Variants in PDAP1 observed in about 807,000 individuals in gnomAD.
PDAP1 encodes 28 kDa heat- and acid-stable phosphoprotein.
Under a neutral mutation model 28.0 loss-of-function variants are expected in PDAP1, and 13 were observed. The observed-to-expected ratio is 0.46, with a 90% CI of 0.30 to 0.74. The LOEUF (loss-of-function observed/expected upper bound fraction) is 0.74. Ranked by LOEUF, PDAP1 falls within the 30% of genes least tolerant of loss-of-function variation. The pLI is 0.07. For missense variants in PDAP1, 150 were observed against 230.0 expected, an observed-to-expected ratio of 0.65 and a Z score of 2.25; for synonymous variants, 77 against 85.1, an observed-to-expected ratio of 0.91 and a Z score of 0.52.
intron 1 of PDAP1, among the ~76,000 whole-genome samples, chr7:99,406,267 T>C (rs1584423404): frequency 6.6e-6 from 1 of 152,050 alleles, no homozygotes; most frequent in East Asian, 1.9e-4. Context: ...AAAAAATCGC[T>C]GTTCGTTACT....
rs1794754000 is a variant in PDAP1 at position 99,396,168 on chromosome 7, G to A, written c.*514C>T. 1 of 171,658 alleles carries A rather than the reference G, an allele frequency of 5.8e-6. No individual in the cohort carries two copies. Among genetic ancestry groups the A allele is most frequent in the Admixed American group, 5.6e-5 (1 of 17,798 alleles). 10.6% of individuals were successfully genotyped at this position (171,658 alleles called of 1,614,324 possible). A position where few individuals can be genotyped will look rare whatever the true frequency, so the allele number is the denominator to read the frequency against. On this transcript the variant is annotated 3_prime_UTR_variant, in exon 6 of 6. Transcript: ENST00000350498. ...GGGAAGGGCAGAGAGGTGAGGCCCT[G>A]AGGTCAGTCAGACAGGACTGACCAG...
chr7:99,397,766 T>C, intron 5 of PDAP1, 96 bp downstream of exon 5: 4 of 1,474,468 alleles, frequency 2.7e-6, no homozygotes, highest in South Asian at 1.3e-5. Context: ...CCTCACCTCA[T>C]TGTCACCTCG....
intron 1 of PDAP1, among the ~76,000 whole-genome samples, chr7:99,405,859 T>C (rs1794961919): frequency 6.6e-6 from 1 of 152,244 alleles, no homozygotes; most frequent in Non-Finnish European, 1.5e-5. Flanking sequence ...TTTCCTCATC[T>C]GTGTCCCTAC....
chr7:99,398,989 A>C (rs991472073), intron 4 of PDAP1, among the ~76,000 whole-genome samples: 2 of 152,312 alleles, frequency 1.3e-5, no homozygotes, highest in African/African-American at 4.8e-5. Context: ...GATCTTCCCA[A>C]GCTTGAGATT....
At chr7:99,400,489 T>A in intron 3 of PDAP1, 65 bp from the exon 4 acceptor site, 1 of 1,596,582 alleles carries the variant, frequency 6.3e-7, no homozygotes, top group Non-Finnish European at 8.6e-7. Context: ...GGGCCACTCC[T>A]GCCATCTCTC....
Position 99,404,907 on chromosome 7 carries a change from A to C in PDAP1, c.60T>G (p.Pro20=). 1 of 1,613,802 alleles carries C rather than the reference A, an allele frequency of 6.2e-7. No individual in the cohort carries two copies. Among genetic ancestry groups the C allele is most frequent in the Non-Finnish European group, 8.5e-7 (1 of 1,180,000 alleles). The change falls in exon 2 of 6, where the codon CCT becomes CCG. Residue 20 remains proline (P), a synonymous_variant. Transcript: ENST00000350498. ...CCTGCAGCTGCGCGTCGATCTCCTC[A>C]GGGCTTGTATACTGCCTCGCCCGGC... ...HKGRARQYTS[P]EEIDAQLQAE... is the part of the protein sequence containing the mutation.
intron 3 of PDAP1, 36 bp from the exon 4 acceptor site, chr7:99,400,460 G>A: frequency 6.2e-7 from 1 of 1,613,104 alleles, no homozygotes; most frequent in East Asian, 2.2e-5. Flanking sequence ...TTGGAGTTCA[G>A]GTCCTGTGGA....
At chr7:99,407,443 G>A (rs938569998) in intron 1 of PDAP1, among the ~76,000 whole-genome samples, 4 of 152,184 alleles carry the variant, frequency 2.6e-5, no homozygotes, top group Admixed American at 6.5e-5. Context: ...AGAGAGCTAG[G>A]TTTAAACACA....
chr7:99,402,725 AC>A (rs1794895980), intron 3 of PDAP1, among the ~76,000 whole-genome samples: 1 of 151,662 alleles, frequency 6.6e-6, no homozygotes, highest in African/African-American at 2.4e-5. Context: ...TACTAAAAAT[AC>A]AAAAAATTAG....
chr7:99,396,923 C>T (rs1794779774), intron 5 of PDAP1, among the ~76,000 whole-genome samples, 183 bp from the exon 6 acceptor site: 1 of 152,128 alleles, frequency 6.6e-6, no homozygotes. Context: ...CCCCGACATT[C>T]CCGACACGCT....
rs548640976 is a variant in PDAP1 at position 99,398,014 on chromosome 7, C to G, written c.336-1G>C. ...TGCCTTCTGCTTCTCAATCTCTTCT[C>G]TGTGTGGATAAAATGGTGTCATGGG... On this transcript the variant is annotated splice_acceptor_variant, in intron 4 of 5. Transcript: ENST00000350498. LOFTEE classifies it high-confidence loss of function. 2.5e-6 allele frequency: 4 copies of G among 1,614,166 alleles called. No individual in the cohort carries two copies. The highest frequency in any genetic ancestry group is 1.3e-5 in the African/African-American group (1 of 75,072).
At chr7:99,406,734 C>T (rs1424443569) in intron 1 of PDAP1, 2 of 456,662 alleles carry the variant, frequency 4.4e-6, no homozygotes, top group Non-Finnish European at 5.8e-6. Flanking sequence ...TCTCTGTGAG[C>T]AGAGACTCTG....
intron 3 of PDAP1, among the ~76,000 whole-genome samples, chr7:99,402,360 C>T (rs1477114916): frequency 6.6e-6 from 1 of 151,698 alleles, no homozygotes; most frequent in African/African-American, 2.4e-5. Context: ...AATCTCAACA[C>T]CTCAGGAGGG....
Position 99,396,503 on chromosome 7 carries a change from T to TC in PDAP1, c.*178dup, listed in dbSNP as rs113663373. 2.9e-3 allele frequency: 973 copies of TC among 330,438 alleles called. 6 individuals carry two copies. The highest frequency in any genetic ancestry group is 6.3e-3 in the Admixed American group (168 of 26,632). The allele number at this position is 330,438 out of a possible 1,614,324, so 20.5% of individuals were successfully genotyped here. On this transcript the variant is annotated 3_prime_UTR_variant, in exon 6 of 6. Coordinates refer to ENST00000350498, the MANE Select transcript of PDAP1 (RefSeq NM_014891.7). ...AAGATAGCAGCTACCCCTCCCCCAG[T>TC]CCCCCCCCCCATCCCCCAAACAATT...
rs773085531 is a variant in PDAP1, at chr7:99,394,779, TAAA to T, written c.*1900_*1902del. Reference sequence around the variant, plus strand: ...GTGGAGGTAATAAAATGCAACTGTGTAAAAAAAAAAAAAAAAAAAAAAGTAATT... The same window carrying T: ...GTGGAGGTAATAAAATGCAACTGTGTAAAAAAAAAAAAAAAAAAAGTAATT... On this transcript the variant is annotated 3_prime_UTR_variant, in exon 6 of 6. Coordinates refer to ENST00000350498, the MANE Select transcript of PDAP1 (RefSeq NM_014891.7). 0.011 allele frequency: 10,751 copies of T among 941,538 alleles called. 14 individuals are homozygous for T. Among genetic ancestry groups the T allele is most frequent in the African/African-American group, 0.038 (1,641 of 42,740 alleles). 58.3% of individuals were successfully genotyped at this position (941,538 alleles called of 1,614,324 possible).
intron 5 of PDAP1, 137 bp from the exon 6 acceptor site, chr7:99,396,877 G>C (rs1208427334): frequency 4.4e-6 from 3 of 689,368 alleles, no homozygotes. Context: ...GCCGAGGCGT[G>C]GGAGAGGATT....
At chr7:99,408,343 T>A (rs1795026790) in intron 1 of PDAP1, among the ~76,000 whole-genome samples, 193 bp downstream of exon 1, 1 of 151,416 alleles carries the variant, frequency 6.6e-6, no homozygotes, top group Non-Finnish European at 1.5e-5. Context: ...ACTGACGGAG[T>A]GACTCTGGGA....
At position 99,396,511 on chromosome 7, in the gene PDAP1, C is replaced by G. The variant is rs539451067; in HGVS notation, c.*171G>C. On this transcript the variant is annotated 3_prime_UTR_variant, in exon 6 of 6. Coordinates refer to ENST00000350498, the MANE Select transcript of PDAP1 (RefSeq NM_014891.7). ...AGCTACCCCTCCCCCAGTCCCCCCC[C>G]CCATCCCCCAAACAATTTCTGTGCC... 34 of 536,296 alleles carry G rather than the reference C, an allele frequency of 6.3e-5. No individual in the cohort carries two copies. The Admixed American group carries it at 7.9e-4, about 12-fold the overall frequency. The allele number at this position is 536,296 out of a possible 1,614,324, so 33.2% of individuals were successfully genotyped here. A position where few individuals can be genotyped will look rare whatever the true frequency, so the allele number is the denominator to read the frequency against.
intron 3 of PDAP1, among the ~76,000 whole-genome samples, chr7:99,401,567 C>T (rs1429840277): frequency 6.6e-6 from 1 of 152,122 alleles, no homozygotes; most frequent in African/African-American, 2.4e-5. Context: ...TCAGGTGATC[C>T]GCCCGCCTTG....
Sources: gnomAD v4.1 joint callset for allele counts (sites outside exome capture counted in the v4.1 genomes callset) on GRCh38, gnomAD v4.1.1 for gene constraint, MANE v1.5 for transcripts, NCBI Gene and HGNC (gene_info 2026-07-23, HGNC 2026-07-21) for gene names.